The following ASTN2 variants were observed in gnomAD, a reference collection of about 807,000 sequenced individuals.
ASTN2 encodes astrotactin 2, also known as astrotactin-2.
ASTN2 carries 54 observed loss-of-function variants against 139.8 expected under a neutral mutation model. That is an observed-to-expected ratio of 0.39 (90% confidence interval 0.31 to 0.48). ASTN2 has a LOEUF of 0.48. Among genes scored for constraint, ASTN2 ranks in the 20% least tolerant of loss-of-function variants. The pLI is 0.95. For missense variants in ASTN2, 1,565 were observed against 1,725.1 expected (o/e 0.91, Z 1.64); for synonymous variants, 756 against 719.5 (o/e 1.05, Z -0.81).
intron 16 of ASTN2, among the ~76,000 whole-genome samples, chr9:116,704,907 CA>C (rs1436635373): frequency 6.6e-6 from 1 of 152,074 alleles, no homozygotes; most frequent in East Asian, 1.9e-4. Context: ...ATATGTAGTA[CA>C]TACATCTAAG....
rs200594267 is a variant in ASTN2 at position 117,141,145 on chromosome 9, AG to A, written c.1168+180del. Among the ~76,000 whole-genome samples the A allele has an allele frequency of 7.9e-3, 1,196 of 152,202 alleles. 14 individuals carry two copies. Among genetic ancestry groups the A allele is most frequent in the African/African-American group, 0.028 (1,146 of 41,534 alleles). On this transcript the variant is annotated intron_variant, in intron 4 of 22. Transcript: ENST00000313400. ...CAGTTGAGGCACCTGGGGCTCAGAG[AG>A]GTTAGCTCTGGGTGTAGGGAGCATA...
chr9:116,737,229 G>A (rs1254847227), intron 13 of ASTN2, among the ~76,000 whole-genome samples: 1 of 152,220 alleles, frequency 6.6e-6, no homozygotes, highest in Non-Finnish European at 1.5e-5. Flanking sequence ...CAAGGCCTCT[G>A]CCAGCAGAGG....
chr9:117,281,850 C>T (rs2133145070), intron 2 of ASTN2, among the ~76,000 whole-genome samples: 1 of 152,304 alleles, frequency 6.6e-6, no homozygotes, highest in South Asian at 2.1e-4. Flanking sequence ...GCCCCTGCCT[C>T]CAGCCCTCTC....
chr9:116,677,563 C>T (rs185998982), intron 16 of ASTN2, among the ~76,000 whole-genome samples: 87 of 152,276 alleles, frequency 5.7e-4, no homozygotes, highest in Admixed American at 5.6e-3. Flanking sequence ...ATCAGAGAAG[C>T]ATGCTATTGG....
At chr9:117,237,030 C>T (rs1175656012) in intron 2 of ASTN2, among the ~76,000 whole-genome samples, 1 of 152,112 alleles carries the variant, frequency 6.6e-6, no homozygotes, top group Non-Finnish European at 1.5e-5. Flanking sequence ...TGGAACAATG[C>T]CAGGATCACA....
intron 13 of ASTN2, among the ~76,000 whole-genome samples, chr9:116,783,292 TCCTTCCTC>T (rs1485235704): frequency 3.3e-4 from 6 of 18,022 alleles, no homozygotes; most frequent in Non-Finnish European, 6.1e-4. Flanking sequence ...CTTCCTTCCT[TCCTTCCTC>T]CCTCCCTCCC....
chr9:116,682,616 G>A (rs1391239652), intron 16 of ASTN2, among the ~76,000 whole-genome samples: 2 of 152,122 alleles, frequency 1.3e-5, no homozygotes, highest in Non-Finnish European at 2.9e-5. Context: ...GCAAAGACTT[G>A]GAACCAACCC....
At position 117,406,118 on chromosome 9, in the gene ASTN2, C is replaced by T. The variant is rs1025095562; in HGVS notation, c.442+8379G>A. Reference sequence around the variant, plus strand: ...GATCTCCTGTACACCTACAATGTGCCAAGTAAAGGGTGAGTCACCACAGCC... The same window carrying T: ...GATCTCCTGTACACCTACAATGTGCTAAGTAAAGGGTGAGTCACCACAGCC... On this transcript the variant is annotated intron_variant, in intron 1 of 22. Coordinates refer to ENST00000313400, the MANE Select transcript of ASTN2 (RefSeq NM_001365068.1). 1.1e-4 allele frequency among the ~76,000 whole-genome samples: 16 copies of T among 152,230 alleles called. No homozygotes were observed. In the East Asian group the frequency reaches 3.1e-3, roughly 29 times the overall value.
chr9:117,183,908 C>G (rs1831134924), intron 3 of ASTN2, among the ~76,000 whole-genome samples: 1 of 152,120 alleles, frequency 6.6e-6, no homozygotes, highest in African/African-American at 2.4e-5. Context: ...GTGGAGCAAA[C>G]CTCATTTTCT....
At chr9:116,654,376 C>A (rs1384129205) in intron 16 of ASTN2, among the ~76,000 whole-genome samples, 2 of 152,130 alleles carry the variant, frequency 1.3e-5, no homozygotes, top group African/African-American at 4.8e-5. Flanking sequence ...TGCTCTTGAC[C>A]TAGTTTACAG....
Position 116,440,764 on chromosome 9 carries a change from G to T in ASTN2, c.3627C>A (p.Tyr1209Ter). The change falls in exon 22 of 23, where the codon TAC (tyrosine) becomes TAA (stop). Residue 1209 changes from tyrosine (Y) to a stop codon, truncating the protein, a stop_gained. Transcript: ENST00000313400. LOFTEE classifies it high-confidence loss of function. ...EEIADKIYNL[Y>*]NGYTSGKEQQ... Reference sequence around the variant, plus strand: ...GCTCCTTTCCACTTGTGTACCCATTGTACAGATTGTAGATCTTGTCAGCTA... The same window carrying T: ...GCTCCTTTCCACTTGTGTACCCATTTTACAGATTGTAGATCTTGTCAGCTA... 6.2e-7 allele frequency: 1 copy of T among 1,614,090 alleles called. No homozygotes were observed. The highest frequency in any genetic ancestry group is 8.5e-7 in the Non-Finnish European group (1 of 1,179,988).
At chr9:116,617,930 A>G (rs1011967507) in intron 19 of ASTN2, among the ~76,000 whole-genome samples, 1 of 152,200 alleles carries the variant, frequency 6.6e-6, no homozygotes, top group African/African-American at 2.4e-5. Flanking sequence ...GAAGACTCCA[A>G]GTGTATCTCA....
chr9:116,438,980 G>A (rs1000669210), intron 22 of ASTN2, among the ~76,000 whole-genome samples: 2 of 152,036 alleles, frequency 1.3e-5, no homozygotes, highest in East Asian at 3.9e-4. Context: ...TTGGTTTGGG[G>A]CTGTGTCTTT....
At chr9:117,043,646 C>G (rs773785484) in intron 5 of ASTN2, among the ~76,000 whole-genome samples, 2 of 152,154 alleles carry the variant, frequency 1.3e-5, no homozygotes, top group Non-Finnish European at 2.9e-5. Context: ...CAGTGGCTCA[C>G]GCCTATAATC....
chr9:116,718,725 C>A (rs2132106450), intron 16 of ASTN2, among the ~76,000 whole-genome samples: 1 of 151,920 alleles, frequency 6.6e-6, no homozygotes, highest in South Asian at 2.1e-4. Flanking sequence ...TGCCTCTGGA[C>A]TCCAATGGAA....
chr9:116,677,406 T>C (rs1479196213), intron 16 of ASTN2, among the ~76,000 whole-genome samples: 3 of 152,226 alleles, frequency 2.0e-5, no homozygotes, highest in African/African-American at 7.2e-5. Context: ...TTTTGCATTG[T>C]GTTATCTGAC....
intron 10 of ASTN2, among the ~76,000 whole-genome samples, chr9:116,871,049 G>A (rs774476260): frequency 9.2e-5 from 14 of 152,138 alleles, no homozygotes; most frequent in Non-Finnish European, 1.5e-4. Context: ...TTGAGGCCAG[G>A]AGATCGAGAC....
chr9:116,813,596 C>T (rs965601626), intron 12 of ASTN2, among the ~76,000 whole-genome samples: 4 of 152,160 alleles, frequency 2.6e-5, no homozygotes, highest in Admixed American at 2.0e-4. Context: ...TGTGTACAAA[C>T]TCTCAAAGCA....
intron 5 of ASTN2, among the ~76,000 whole-genome samples, chr9:117,064,123 C>T (rs576758474): frequency 8.6e-5 from 13 of 151,906 alleles, no homozygotes; most frequent in East Asian, 3.9e-4. Flanking sequence ...TTCCAGGACG[C>T]GCTCACAACG....
Sources: gnomAD v4.1 joint callset for allele counts (sites outside exome capture counted in the v4.1 genomes callset) on GRCh38, gnomAD v4.1.1 for gene constraint, MANE v1.5 for transcripts, NCBI Gene and HGNC (gene_info 2026-07-23, HGNC 2026-07-21) for gene names.